HTRA3: variants seen among roughly 807,000 people sequenced by gnomAD.
HTRA3 encodes serine protease HTRA3.
In HTRA3, 41 loss-of-function variants were observed where a neutral mutation model predicts 43.2. That is an observed-to-expected ratio of 0.95 (90% CI 0.74 to 1.23). The LOEUF is 1.23. HTRA3 is among the 50% of genes most tolerant of loss of function. The pLI is 0.00. For missense variants in HTRA3, 628 were observed against 647.1 expected, an observed-to-expected ratio of 0.97 and a Z score of 0.32; for synonymous variants, 295 against 287.9, an observed-to-expected ratio of 1.02 and a Z score of -0.25.
At position 8,296,151 on chromosome 4, in the gene HTRA3, G is replaced by A; in HGVS notation, c.1051+1950G>A. On this transcript the variant is annotated intron_variant, in intron 6 of 8. Coordinates refer to ENST00000307358, the MANE Select transcript of HTRA3 (RefSeq NM_053044.5). The surrounding 1 kb of genome is among the most constrained non-coding windows in gnomAD (Gnocchi z 5.3). ...GCTGTTTGCACACACTGAGCTGTGAGGTGGCTTTCCTTGGAAGTGGATGAT... is the reference window on the plus strand; with the variant it reads ...GCTGTTTGCACACACTGAGCTGTGAAGTGGCTTTCCTTGGAAGTGGATGAT... 1 of 991,752 alleles carries A rather than the reference G, an allele frequency of 1.0e-6. No individual in the cohort carries two copies. Among genetic ancestry groups the A allele is most frequent in the Non-Finnish European group, 1.2e-6 (1 of 834,312 alleles). 61.4% of individuals were successfully genotyped at this position (991,752 alleles called of 1,614,324 possible).
At chr4:8,281,513 G>C (rs1387404345) in intron 1 of HTRA3, among the ~76,000 whole-genome samples, 1 of 152,230 alleles carries the variant, frequency 6.6e-6, no homozygotes, top group East Asian at 1.9e-4. Flanking sequence ...TAAGTAATCT[G>C]TCTGAGGCCA....
At chr4:8,271,154 C>A (rs1712254810) in intron 1 of HTRA3, among the ~76,000 whole-genome samples, 5 of 152,190 alleles carry the variant, frequency 3.3e-5, no homozygotes, top group Admixed American at 3.3e-4. Context: ...AGAACAGGCT[C>A]CGTGGAGCCT....
intron 1 of HTRA3, among the ~76,000 whole-genome samples, chr4:8,277,947 A>T (rs1008229157): frequency 1.1e-4 from 16 of 152,234 alleles, no homozygotes; most frequent in African/African-American, 3.6e-4. Context: ...ACTGGGTGTC[A>T]GTCCCAGCTC....
At chr4:8,292,397 C>T in intron 5 of HTRA3, 44 bp downstream of exon 5, 1 of 1,548,164 alleles carries the variant, frequency 6.5e-7, no homozygotes, top group Non-Finnish European at 8.9e-7. Context: ...TTCTGGGGTT[C>T]TTCTCACATG....
At chr4:8,288,899 G>GTCCTTCCTTCCTTCCT (rs1199752377) in intron 3 of HTRA3, among the ~76,000 whole-genome samples, 1,604 of 101,448 alleles carry the variant, frequency 0.016, 23 homozygotes, top group Middle Eastern at 0.034. Context: ...CCTTCCGTCC[G>GTCCTTCCTTCCTTCCT]TCCTTCCTTC....
chr4:8,296,197 CCT>C lies in HTRA3; in HGVS notation c.1051+2003_1051+2004del, dbSNP rs1164308799. ...ATGATAGTGTCCTCTTCCCTTCTTG[CCT>C]CTCTCTTTCTCCTGAGACAGGATCC... On this transcript the variant is annotated intron_variant, in intron 6 of 8. Transcript: ENST00000307358. This position sits in a 1 kb window ranked among gnomAD's most constrained non-coding sequence, Gnocchi z 5.3. 9.1e-6 allele frequency: 9 copies of C among 986,118 alleles called. No individual in the cohort carries two copies. Among genetic ancestry groups the C allele is most frequent in the Non-Finnish European group, 1.1e-5 (9 of 830,512 alleles). The allele number at this position is 986,118 out of a possible 1,614,324, so 61.1% of individuals were successfully genotyped here. A position where few individuals can be genotyped will look rare whatever the true frequency, so the allele number is the denominator to read the frequency against.
chr4:8,304,123 T>C, intron 7 of HTRA3, 61 bp from the exon 8 acceptor site: 1 of 1,416,398 alleles, frequency 7.1e-7, no homozygotes, highest in Non-Finnish European at 9.9e-7. Context: ...GAGGGGCAGC[T>C]TCATACCAAA....
intron 1 of HTRA3, among the ~76,000 whole-genome samples, chr4:8,275,489 A>G (rs1032003504): frequency 3.9e-5 from 6 of 152,186 alleles, no homozygotes; most frequent in African/African-American, 9.6e-5. Context: ...TGAGGGACCA[A>G]TGACAATGCA....
intron 3 of HTRA3, among the ~76,000 whole-genome samples, chr4:8,291,122 C>T (rs1713219833): frequency 6.6e-6 from 1 of 152,212 alleles, no homozygotes; most frequent in Admixed American, 6.5e-5. Context: ...CCCATGCCTG[C>T]CCTGGGGGAA....
In HTRA3 at chr4:8,286,876, C is replaced by T; in HGVS notation, c.708+93C>T. The stretch of plus-strand genomic sequence containing the variant: ...GGAACCCAGAGGCAAGCTAGCCCCA[C>T]CTTCCATCAGCCAGGGGGAGGAAAC... On this transcript the variant is annotated intron_variant, in intron 3 of 8. Coordinates refer to ENST00000307358, the MANE Select transcript of HTRA3 (RefSeq NM_053044.5). This position sits in a 1 kb window ranked among gnomAD's most constrained non-coding sequence, Gnocchi z 4.9. The T allele has an allele frequency of 2.1e-6, 2 of 948,798 alleles. No individual in the cohort carries two copies. Among genetic ancestry groups the T allele is most frequent in the Non-Finnish European group, 1.6e-6 (1 of 622,456 alleles). 58.8% of individuals were successfully genotyped at this position (948,798 alleles called of 1,614,324 possible).
chr4:8,291,628 T>TCTTG, intron 4 of HTRA3, 64 bp downstream of exon 4: 6 of 1,293,892 alleles, frequency 4.6e-6, no homozygotes, highest in Non-Finnish European at 6.3e-6. Flanking sequence ...AACCTCGAGG[T>TCTTG]GGTCTCTGAC....
intron 1 of HTRA3, among the ~76,000 whole-genome samples, chr4:8,281,067 C>A (rs1243721261): frequency 6.6e-6 from 1 of 152,134 alleles, no homozygotes; most frequent in Non-Finnish European, 1.5e-5. Flanking sequence ...AGTGTCCCCA[C>A]CTTTAAAATA....
At chr4:8,287,780 C>A (rs1713054928) in intron 3 of HTRA3, among the ~76,000 whole-genome samples, 1 of 152,198 alleles carries the variant, frequency 6.6e-6, no homozygotes, top group Non-Finnish European at 1.5e-5. Flanking sequence ...GACGGGGCAA[C>A]TGAGGCTTGG....
intron 1 of HTRA3, among the ~76,000 whole-genome samples, chr4:8,271,185 C>G (rs1351416062): frequency 6.6e-6 from 1 of 151,736 alleles, no homozygotes; most frequent in Non-Finnish European, 1.5e-5. Context: ...ATGGGGAGCA[C>G]CAACTGCCGG....
intron 6 of HTRA3, among the ~76,000 whole-genome samples, chr4:8,299,762 T>C (rs779288366): frequency 6.6e-6 from 1 of 152,204 alleles, no homozygotes; most frequent in Admixed American, 6.5e-5. Context: ...GTAAATTGCA[T>C]TGGTTGATTT....
intron 1 of HTRA3, among the ~76,000 whole-genome samples, chr4:8,281,224 C>G (rs766321827): frequency 6.6e-6 from 1 of 152,214 alleles, no homozygotes; most frequent in African/African-American, 2.4e-5. Context: ...CACCATGGTA[C>G]CTTCGTGCCT....
At chr4:8,304,071 G>A in intron 7 of HTRA3, 113 bp from the exon 8 acceptor site, 1 of 738,428 alleles carries the variant, frequency 1.4e-6, no homozygotes, top group Non-Finnish European at 2.3e-6. Flanking sequence ...CAGTATGGGG[G>A]CCCAGAGGTG....
At chr4:8,304,721 T>C (rs1209612868) in intron 8 of HTRA3, among the ~76,000 whole-genome samples, 1 of 143,076 alleles carries the variant, frequency 7.0e-6, no homozygotes, top group Non-Finnish European at 1.5e-5. Context: ...AGTGTCGCGA[T>C]CTCAGCTCAC....
chr4:8,300,978 C>T (rs1713620441), intron 6 of HTRA3, among the ~76,000 whole-genome samples: 1 of 150,958 alleles, frequency 6.6e-6, no homozygotes, highest in Admixed American at 6.6e-5. Context: ...GAGTCACACT[C>T]ATCTTTATTA....
Sources: allele counts gnomAD v4.1 joint callset (sites outside exome capture counted in the v4.1 genomes callset), GRCh38; gene constraint gnomAD v4.1.1; non-coding constraint Gnocchi (gnomAD v3.1); transcripts MANE v1.5; gene names NCBI Gene and HGNC (gene_info 2026-07-23, HGNC 2026-07-21).